PTPRM: variants seen among roughly 807,000 people sequenced by gnomAD.
PTPRM encodes protein tyrosine phosphatase receptor type M.
Under a neutral mutation model 186.7 loss-of-function variants are expected in PTPRM, and 47 were observed. That is an observed-to-expected ratio of 0.25 (90% CI 0.20 to 0.32). The LOEUF (loss-of-function observed/expected upper bound fraction) is 0.32. PTPRM is among the 10% of genes least tolerant of loss of function. The pLI is 1.00. For missense variants in PTPRM, 1,494 were observed against 1,865.0 expected, an observed-to-expected ratio of 0.80 and a Z score of 3.66; for synonymous variants, 668 against 674.9, an observed-to-expected ratio of 0.99 and a Z score of 0.16.
chr18:7,601,039 T>C (rs2037388889), intron 1 of PTPRM, among the ~76,000 whole-genome samples: 1 of 152,178 alleles, frequency 6.6e-6, no homozygotes, highest in African/African-American at 2.4e-5. Flanking sequence ...AGCCCCTCTG[T>C]TGGTTCAAGA....
intron 5 of PTPRM, among the ~76,000 whole-genome samples, chr18:7,945,329 T>G (rs138573588): frequency 0.022 from 3,252 of 149,228 alleles, 44 homozygotes; most frequent in African/African-American, 0.045. Flanking sequence ...CCAGGCATGG[T>G]GGCGGGCACG....
chr18:8,356,475 G>A (rs901924611), intron 23 of PTPRM, among the ~76,000 whole-genome samples: 1 of 152,138 alleles, frequency 6.6e-6, no homozygotes, highest in Non-Finnish European at 1.5e-5. Flanking sequence ...AGAGACAGGC[G>A]TGGACACACT....
intron 1 of PTPRM, among the ~76,000 whole-genome samples, chr18:7,685,642 A>G (rs1479180841): frequency 1.3e-5 from 2 of 152,198 alleles, no homozygotes; most frequent in African/African-American, 2.4e-5. Context: ...TAGCATTACC[A>G]TGTTGATAGT....
In PTPRM at chr18:7,642,412, C is replaced by T. The variant is rs1424052098; in HGVS notation, c.73+74521C>T. Among the ~76,000 whole-genome samples the T allele has an allele frequency of 4.6e-5, 7 of 152,216 alleles. No individual in the cohort carries two copies. In the East Asian group the frequency reaches 5.8e-4, roughly 13 times the overall value. On this transcript the variant is annotated intron_variant, in intron 1 of 32. Transcript: ENST00000580170. ...AATTTCCTACACTAATCCTAAATTC[C>T]GTGGAGTTTTTATTACATTGGTTGG...
intron 1 of PTPRM, among the ~76,000 whole-genome samples, chr18:7,757,537 G>A (rs1207202278): frequency 1.3e-5 from 2 of 152,198 alleles, no homozygotes; most frequent in Non-Finnish European, 2.9e-5. Flanking sequence ...CCCCTGGGCA[G>A]CCAGCAGCAG....
At chr18:7,939,610 TC>T (rs139334686) in intron 5 of PTPRM, among the ~76,000 whole-genome samples, 164 of 152,302 alleles carry the variant, frequency 1.1e-3, no homozygotes, top group African/African-American at 3.8e-3. Flanking sequence ...GTCAGATATC[TC>T]CTCTCAGGCA....
intron 4 of PTPRM, among the ~76,000 whole-genome samples, chr18:7,912,467 AGTTTGTTCTTT>A (rs762378869): frequency 1.3e-4 from 19 of 151,990 alleles, no homozygotes; most frequent in Non-Finnish European, 2.6e-4. Context: ...GGGTCTTCCA[AGTTTGTTCTTT>A]TCTCATTATT....
intron 1 of PTPRM, among the ~76,000 whole-genome samples, chr18:7,769,942 C>G (rs1187993307): frequency 1.3e-5 from 2 of 152,096 alleles, no homozygotes; most frequent in African/African-American, 4.8e-5. Context: ...ACCACCCCAC[C>G]CAGCTTGTAT....
intron 2 of PTPRM, among the ~76,000 whole-genome samples, chr18:7,825,749 G>A (rs2045453304): frequency 6.6e-6 from 1 of 152,102 alleles, no homozygotes; most frequent in African/African-American, 2.4e-5. Flanking sequence ...TTTTACCTTG[G>A]CATTTATTCA....
intron 2 of PTPRM, among the ~76,000 whole-genome samples, chr18:7,806,045 G>A (rs1039340704): frequency 2.0e-5 from 3 of 152,218 alleles, no homozygotes; most frequent in African/African-American, 4.8e-5. Flanking sequence ...TTTAAGCAGA[G>A]GCTGCAGGCT....
intron 23 of PTPRM, among the ~76,000 whole-genome samples, chr18:8,363,703 G>A (rs2095610807): frequency 1.3e-5 from 2 of 152,164 alleles, no homozygotes; most frequent in Non-Finnish European, 2.9e-5. Context: ...ACAAGCAGTG[G>A]AAATAACATG....
intron 1 of PTPRM, among the ~76,000 whole-genome samples, chr18:7,657,380 T>C (rs1400735392): frequency 6.6e-6 from 1 of 152,218 alleles, no homozygotes; most frequent in Non-Finnish European, 1.5e-5. Flanking sequence ...GCTTGTCCTT[T>C]CTGATGATAG....
At chr18:8,348,166 C>T (rs1490300359) in intron 23 of PTPRM, among the ~76,000 whole-genome samples, 1 of 152,396 alleles carries the variant, frequency 6.6e-6, no homozygotes, top group Non-Finnish European at 1.5e-5. Context: ...GCACATAGTG[C>T]GTCCTTCATG....
intron 14 of PTPRM, among the ~76,000 whole-genome samples, chr18:8,230,594 G>C (rs953172052): frequency 2.2e-4 from 33 of 152,334 alleles, no homozygotes; most frequent in Admixed American, 2.2e-3. Flanking sequence ...GATAATAATG[G>C]CAGTTTCCTC....
At chr18:8,374,845 C>T (rs558248659) in intron 24 of PTPRM, among the ~76,000 whole-genome samples, 3 of 152,296 alleles carry the variant, frequency 2.0e-5, no homozygotes, top group South Asian at 2.1e-4. Context: ...TTTCAAAGCA[C>T]ATAAAAATTC....
At chr18:8,319,238 T>C in intron 22 of PTPRM, 24 bp downstream of exon 22, 2 of 1,534,874 alleles carry the variant, frequency 1.3e-6, no homozygotes, top group East Asian at 2.3e-5. Context: ...TACTTTGTTG[T>C]CTTTCTTTGT....
intron 1 of PTPRM, among the ~76,000 whole-genome samples, chr18:7,574,026 G>GC (rs1171478223): frequency 2.6e-5 from 4 of 152,174 alleles, no homozygotes; most frequent in Admixed American, 2.0e-4. Context: ...GTTAGAACAA[G>GC]CCCCCCATGG....
chr18:7,596,743 C>G (rs1456978274), intron 1 of PTPRM, among the ~76,000 whole-genome samples: 1 of 152,024 alleles, frequency 6.6e-6, no homozygotes, highest in African/African-American at 2.4e-5. Flanking sequence ...TGCTTTTTTC[C>G]TACTGGAGTC....
chr18:8,135,693 G>A (rs1410421095), intron 13 of PTPRM, among the ~76,000 whole-genome samples: 1 of 152,168 alleles, frequency 6.6e-6, no homozygotes, highest in African/African-American at 2.4e-5. Context: ...TGAGAGTCTG[G>A]AGAGTACATG....
Sources: allele counts gnomAD v4.1 joint callset (sites outside exome capture counted in the v4.1 genomes callset), GRCh38; gene constraint gnomAD v4.1.1; transcripts MANE v1.5; gene names NCBI Gene and HGNC (gene_info 2026-07-23, HGNC 2026-07-21).